Variants in PTGFRN observed in about 807,000 individuals in gnomAD.
PTGFRN encodes the protein prostaglandin F2 receptor inhibitor.
A neutral mutation model predicts 83.2 loss-of-function variants in PTGFRN; 35 were observed. The observed-to-expected ratio is 0.42, with a 90% CI of 0.32 to 0.56. PTGFRN has a LOEUF of 0.56. Ranked by LOEUF, PTGFRN falls within the 20% of genes least tolerant of loss-of-function variation. The pLI is 0.11. For synonymous variants in PTGFRN, 519 were observed against 498.6 expected, an observed-to-expected ratio of 1.04 and a Z score of -0.55; for missense variants, 1,051 against 1,179.5, an observed-to-expected ratio of 0.89 and a Z score of 1.60.
At chr1:116,951,210 A>G (rs1178320489) in intron 4 of PTGFRN, among the ~76,000 whole-genome samples, 2 of 152,232 alleles carry the variant, frequency 1.3e-5, no homozygotes, top group Non-Finnish European at 2.9e-5. Flanking sequence ...GGGGAGATGC[A>G]GGGACTGTCA....
intron 1 of PTGFRN, among the ~76,000 whole-genome samples, chr1:116,936,969 A>G (rs1268209210): frequency 6.6e-6 from 1 of 152,240 alleles, no homozygotes. Context: ...TTCATAAAGT[A>G]TTTTAGTAAT....
rs1557743010 is a variant in PTGFRN, at chr1:116,958,173, T to C, written c.1214-3070T>C. 6.6e-6 allele frequency among the ~76,000 whole-genome samples: 1 copy of C among 151,874 alleles called. No homozygotes were observed. The highest frequency in any genetic ancestry group is 1.5e-5 in the Non-Finnish European group (1 of 67,972). ...AAGTAAACCATTAAGGATCAAAGGGTCTGTCACCTGTGAGGAGACAGAAGA... is the reference window on the plus strand; with the variant it reads ...AAGTAAACCATTAAGGATCAAAGGGCCTGTCACCTGTGAGGAGACAGAAGA... On this transcript the variant is annotated intron_variant, in intron 4 of 8. Coordinates refer to ENST00000393203, the MANE Select transcript of PTGFRN (RefSeq NM_020440.4). This position sits in a 1 kb window ranked among gnomAD's most constrained non-coding sequence, Gnocchi z 4.9.
Position 116,961,649 on chromosome 1 carries a change from C to T in PTGFRN, c.1620C>T (p.Asn540=). 6.2e-7 allele frequency: 1 copy of T among 1,609,198 alleles called. No homozygotes were observed. The change falls in exon 5 of 9, where the codon AAC becomes AAT. Residue 540 remains asparagine, a synonymous_variant. Coordinates refer to ENST00000393203, the MANE Select transcript of PTGFRN (RefSeq NM_020440.4). This position sits in a 1 kb window ranked among gnomAD's most constrained non-coding sequence, Gnocchi z 5.4. ...KSKDVFSKPV[N]IFWALEDSVL... ...AGGATGTCTTCTCCAAGCCTGTTAA[C>T]ATATTTTGGGCATTAGAAGGTAGGA...
chr1:116,916,374 G>A (rs1649406676), intron 1 of PTGFRN, among the ~76,000 whole-genome samples: 1 of 152,140 alleles, frequency 6.6e-6, no homozygotes, highest in Non-Finnish European at 1.5e-5. Context: ...GTGCTACCTT[G>A]GAATCCTAAT....
chr1:116,921,482 G>C (rs1042624311), intron 1 of PTGFRN, among the ~76,000 whole-genome samples: 1 of 152,182 alleles, frequency 6.6e-6, no homozygotes, highest in Non-Finnish European at 1.5e-5. Context: ...TCCAAGTTAA[G>C]ACCATAGTGT....
chr1:116,963,662 C>T (rs1650736773), intron 5 of PTGFRN, among the ~76,000 whole-genome samples: 1 of 152,044 alleles, frequency 6.6e-6, no homozygotes, highest in Non-Finnish European at 1.5e-5. Flanking sequence ...GGCTGGAGTA[C>T]AGTGGTGTGA....
chr1:116,978,729 A>T, intron 7 of PTGFRN, among the ~76,000 whole-genome samples: 1 of 152,234 alleles, frequency 6.6e-6, no homozygotes, highest in East Asian at 1.9e-4. Flanking sequence ...ATCTCAAAAT[A>T]ATAAGAACTA....
intron 1 of PTGFRN, among the ~76,000 whole-genome samples, chr1:116,928,012 GAA>G (rs1271166503): frequency 2.6e-5 from 4 of 152,204 alleles, no homozygotes; most frequent in Non-Finnish European, 5.9e-5. Context: ...ATTAGAGCCA[GAA>G]CTGCCATGTA....
In PTGFRN at chr1:116,941,901, C is replaced by T; in HGVS notation, c.236C>T (p.Pro79Leu). The change falls in exon 2 of 9, where the codon CCA (proline) becomes CTA (leucine). Residue 79 changes from proline to leucine, a missense_variant. Coordinates refer to ENST00000393203, the MANE Select transcript of PTGFRN (RefSeq NM_020440.4). The surrounding 1 kb of genome is among the most constrained non-coding windows in gnomAD (Gnocchi z 5.0). ...ELASTWEVGF[P>L]AQLYQERLQR... ...GCAAGCACCTGGGAGGTGGGGTTCC[C>T]AGCCCAGCTGTACCAGGAGCGGCTG... The T allele has an allele frequency of 6.2e-7, 1 of 1,614,178 alleles. No homozygotes were observed. The highest frequency in any genetic ancestry group is 8.5e-7 in the Non-Finnish European group (1 of 1,180,028).
At chr1:116,949,602 T>A in intron 4 of PTGFRN, 30 bp downstream of exon 4, 2 of 1,586,262 alleles carry the variant, frequency 1.3e-6, no homozygotes, top group Admixed American at 3.5e-5. Context: ...ACTCTTAACC[T>A]CTTCAGCTTA....
Position 116,941,935 on chromosome 1 carries a change from C to T in PTGFRN, c.270C>T (p.Gly90=), listed in dbSNP as rs745942048. ...TGTACCAGGAGCGGCTGCAGAGGGG[C>T]GAGATCCTGTTAAGGCGGACTGCCA... is the stretch of plus-strand genomic sequence containing the variant. The part of the protein sequence containing the change: ...AQLYQERLQR[G]EILLRRTAND... The change falls in exon 2 of 9, where the codon GGC becomes GGT. Residue 90 remains glycine (G), a synonymous_variant. Coordinates refer to ENST00000393203, the MANE Select transcript of PTGFRN (RefSeq NM_020440.4). The surrounding 1 kb of genome is among the most constrained non-coding windows in gnomAD (Gnocchi z 5.0). 20 of 1,614,042 alleles carry T rather than the reference C, an allele frequency of 1.2e-5. No homozygotes were observed. Among genetic ancestry groups the T allele is most frequent in the East Asian group, 4.5e-5 (2 of 44,892 alleles).
intron 1 of PTGFRN, among the ~76,000 whole-genome samples, chr1:116,924,970 ACCTTCTAAAC>A: frequency 6.6e-6 from 1 of 152,262 alleles, no homozygotes; most frequent in South Asian, 2.1e-4. Flanking sequence ...CGCAGTGGGC[ACCTTCTAAAC>A]TCTGCCTGAG....
intron 7 of PTGFRN, among the ~76,000 whole-genome samples, chr1:116,975,957 A>G (rs1017517500): frequency 6.6e-6 from 1 of 152,252 alleles, no homozygotes; most frequent in Non-Finnish European, 1.5e-5. Flanking sequence ...TCCATCGCAA[A>G]GAAGCTAAAA....
intron 1 of PTGFRN, among the ~76,000 whole-genome samples, chr1:116,925,599 G>A (rs1345655097): frequency 2.0e-5 from 3 of 152,114 alleles, no homozygotes; most frequent in Admixed American, 6.5e-5. Context: ...GTCACCTGAA[G>A]GAGCTTAAGT....
rs1468830169 is a variant in PTGFRN at position 116,941,763 on chromosome 1, G to A, written c.98G>A (p.Arg33Gln). Residue 33 changes from arginine to glutamine, a missense_variant, in exon 2 of 9, where the codon CGA (arginine) becomes CAA (glutamine). Physicochemically the swap from Arg to Gln is conservative, Grantham distance 43. Around this residue, in one of 3 missense-constraint regions of PTGFRN, gnomAD observed 127 missense variants for 168.4 expected, o/e 0.75. Transcript: ENST00000393203. This position sits in a 1 kb window ranked among gnomAD's most constrained non-coding sequence, Gnocchi z 5.0. ...VVRVPTATLV[R>Q]VVGTELVIPC... Reference sequence around the variant, plus strand: ...AGAGTCCCCACAGCGACCCTGGTTCGAGTGGTGGGCACTGAGCTGGTCATC... The same window carrying A: ...AGAGTCCCCACAGCGACCCTGGTTCAAGTGGTGGGCACTGAGCTGGTCATC... 6 of 1,614,098 alleles carry A rather than the reference G, an allele frequency of 3.7e-6. No individual in the cohort carries two copies. The South Asian group carries it at 4.4e-5, about 12-fold the overall frequency.
rs548948499 is a variant in PTGFRN at position 116,941,633 on chromosome 1, G to A, written c.50-82G>A. 29 of 1,506,714 alleles carry A rather than the reference G, an allele frequency of 1.9e-5. No homozygotes were observed. In the African/African-American group the frequency reaches 3.9e-4, roughly 20 times the overall value. 93.3% of individuals were successfully genotyped at this position (1,506,714 alleles called of 1,614,324 possible). On this transcript the variant is annotated intron_variant, in intron 1 of 8. Transcript: ENST00000393203. The surrounding 1 kb of genome is among the most constrained non-coding windows in gnomAD (Gnocchi z 5.0). ...CACGTTTCTGCCATGCCTGTGAGCAGGAGCATCCACAGGTTTGCCACATTT... is the reference window on the plus strand; with the variant it reads ...CACGTTTCTGCCATGCCTGTGAGCAAGAGCATCCACAGGTTTGCCACATTT...
chr1:116,962,691 C>T (rs2101077252), intron 5 of PTGFRN, among the ~76,000 whole-genome samples: 1 of 152,220 alleles, frequency 6.6e-6, no homozygotes, highest in East Asian at 1.9e-4. Context: ...AACTGAAACC[C>T]CTCCACAGTC....
chr1:116,950,983 A>G (rs112131457), intron 4 of PTGFRN, among the ~76,000 whole-genome samples: 1 of 152,192 alleles, frequency 6.6e-6, no homozygotes, highest in Non-Finnish European at 1.5e-5. Context: ...GCACCAAAAG[A>G]AGATTTTTCA....
rs10597434 is a variant in PTGFRN at position 116,931,496 on chromosome 1, CT to C, written c.50-10204del. Among the ~76,000 whole-genome samples the C allele has an allele frequency of 2.7e-3, 358 of 132,714 alleles. 1 individual carries two copies. Among genetic ancestry groups the C allele is most frequent in the Middle Eastern group, 4.0e-3 (1 of 252 alleles). 87.1% of individuals were successfully genotyped at this position (132,714 alleles called of 152,430 possible). On this transcript the variant is annotated intron_variant, in intron 1 of 8. Transcript: ENST00000393203. Reference sequence around the variant, plus strand: ...CAGTGAGGTCTTAGCTGAACTTTTTCTTTTTTTTTTTTTTTAATGATTATAA... The same window carrying C: ...CAGTGAGGTCTTAGCTGAACTTTTTCTTTTTTTTTTTTTTAATGATTATAA...
Sources: allele counts gnomAD v4.1 joint callset (sites outside exome capture counted in the v4.1 genomes callset), GRCh38; gene constraint gnomAD v4.1.1; regional missense constraint gnomAD v4.1.1; non-coding constraint Gnocchi (gnomAD v3.1); transcripts MANE v1.5; gene names NCBI Gene and HGNC (gene_info 2026-07-23, HGNC 2026-07-21).